The following OTUD7A variants were observed in gnomAD, a reference collection of about 807,000 sequenced individuals.
OTUD7A encodes the protein OTU deubiquitinase 7A, also known as OTU domain-containing protein 7A.
A neutral mutation model predicts 65.7 loss-of-function variants in OTUD7A; 12 were observed. That is an observed-to-expected ratio of 0.18 (90% CI 0.12 to 0.30). OTUD7A has a LOEUF of 0.30. Among genes scored for constraint, OTUD7A ranks in the 10% least tolerant of loss-of-function variants. The probability of loss-of-function intolerance (pLI) is 1.00; values close to 1 mark genes in which losing one functional copy is unlikely to be tolerated. For synonymous variants in OTUD7A, 641 were observed against 586.3 expected (o/e 1.09, Z -1.35); for missense variants, 1,148 against 1,304.8 (o/e 0.88, Z 1.85).
Position 31,484,395 on chromosome 15 carries a change from G to A in OTUD7A, c.1701C>T (p.Gly567=), listed in dbSNP as rs2041200668. The change falls in exon 13 of 13, where the codon GGC becomes GGT. Residue 567 remains glycine, a synonymous_variant. Coordinates refer to ENST00000307050, the MANE Select transcript of OTUD7A (RefSeq NM_001382637.1). The surrounding 1 kb of genome is among the most constrained non-coding windows in gnomAD (Gnocchi z 4.5). ...NGKNGDSAER[G]KEKKAKSRKG... ...TGCGCGACTTGGCCTTCTTCTCCTT[G>A]CCCCGCTCGGCCGAGTCCCCGTTCT... is the stretch of plus-strand genomic sequence containing the variant. The A allele has an allele frequency of 1.2e-6, 2 of 1,601,122 alleles. No homozygotes were observed. Among genetic ancestry groups the A allele is most frequent in the East Asian group, 2.2e-5 (1 of 44,824 alleles).
intron 3 of OTUD7A, among the ~76,000 whole-genome samples, chr15:31,577,819 TAAA>T (rs36055987): frequency 7.1e-6 from 1 of 141,210 alleles, no homozygotes; most frequent in African/African-American, 2.6e-5. Context: ...TTGATTCCAG[TAAA>T]AAAAAAAAAA....
chr15:31,484,802 C>T lies in OTUD7A; in HGVS notation c.1372-78G>A, dbSNP rs2041211596. 5.9e-6 allele frequency: 9 copies of T among 1,518,012 alleles called. No individual in the cohort carries two copies. The highest frequency in any genetic ancestry group is 7.0e-6 in the Non-Finnish European group (8 of 1,136,132). The allele number at this position is 1,518,012 out of a possible 1,614,324, so 94.0% of individuals were successfully genotyped here. A position where few individuals can be genotyped will look rare whatever the true frequency, so the allele number is the denominator to read the frequency against. ...GCGCCAGCGAGGAAGACACACCTTG[C>T]CCCTGTGTTGCCGAGGCTAGGGCCC... On this transcript the variant is annotated intron_variant, in intron 12 of 12. Coordinates refer to ENST00000307050, the MANE Select transcript of OTUD7A (RefSeq NM_001382637.1). The surrounding 1 kb of genome is among the most constrained non-coding windows in gnomAD (Gnocchi z 4.5).
chr15:31,583,632 C>T (rs1179991382), intron 3 of OTUD7A, among the ~76,000 whole-genome samples: 6 of 151,798 alleles, frequency 4.0e-5, no homozygotes, highest in Admixed American at 6.6e-5. Context: ...TCTTGCCTGC[C>T]ACCATGTAAG....
chr15:31,696,694 A>G (rs1893091702), intron 1 of OTUD7A, among the ~76,000 whole-genome samples: 1 of 151,892 alleles, frequency 6.6e-6, no homozygotes, highest in African/African-American at 2.4e-5. Context: ...CACCACCCAG[A>G]TGACTCAGAG....
At chr15:31,761,741 A>C (rs991319041) in intron 1 of OTUD7A, among the ~76,000 whole-genome samples, 4 of 152,254 alleles carry the variant, frequency 2.6e-5, no homozygotes, top group Non-Finnish European at 5.9e-5. Context: ...ATATTAGCCA[A>C]AAGTAGAAAA....
Position 31,480,054 on chromosome 15 carries a change from C to A in OTUD7A, c.*3240G>T, listed in dbSNP as rs1169129521. On this transcript the variant is annotated 3_prime_UTR_variant, in exon 13 of 13. Coordinates refer to ENST00000307050, the MANE Select transcript of OTUD7A (RefSeq NM_001382637.1). ...AACAAGCAGCAAAAAGCGTTTAACC[C>A]CCCGGAGCCCACAGTGGAGCTCCTT... 1 of 152,176 alleles carries A rather than the reference C, an allele frequency of 6.6e-6. No homozygotes were observed. The highest frequency in any genetic ancestry group is 2.4e-5 in the African/African-American group (1 of 41,432). 9.4% of individuals were successfully genotyped at this position (152,176 alleles called of 1,614,324 possible).
intron 1 of OTUD7A, among the ~76,000 whole-genome samples, chr15:31,719,331 G>A (rs975222731): frequency 2.0e-5 from 3 of 151,798 alleles, no homozygotes; most frequent in African/African-American, 7.3e-5. Context: ...ATGCACATCT[G>A]AAAGTAAACA....
chr15:31,713,765 A>T (rs1292946195), intron 1 of OTUD7A, among the ~76,000 whole-genome samples: 1 of 151,830 alleles, frequency 6.6e-6, no homozygotes, highest in Non-Finnish European at 1.5e-5. Flanking sequence ...AAGGACTGGT[A>T]CCCTGAATAA....
chr15:31,865,238 A>G (rs1197327024), intron 1 of OTUD7A, among the ~76,000 whole-genome samples: 1 of 152,266 alleles, frequency 6.6e-6, no homozygotes, highest in Non-Finnish European at 1.5e-5. Context: ...TTTTTGTAAA[A>G]GGCATGAAAA....
At chr15:31,822,301 C>T (rs984433433) in intron 1 of OTUD7A, among the ~76,000 whole-genome samples, 2 of 152,132 alleles carry the variant, frequency 1.3e-5, no homozygotes, top group Non-Finnish European at 2.9e-5. Flanking sequence ...CTTCCCAAAG[C>T]GCTGCTCTCT....
chr15:31,695,163 T>C (rs1369713250), intron 1 of OTUD7A, among the ~76,000 whole-genome samples: 2 of 151,728 alleles, frequency 1.3e-5, no homozygotes, highest in African/African-American at 2.4e-5. Flanking sequence ...ATTTTCTTTA[T>C]CCATTCATCT....
Position 31,483,871 on chromosome 15 carries a change from GCCGCACGCC to G in OTUD7A, c.2216_2224del (p.Gly739_Ala741del). The G allele has an allele frequency of 1.0e-6, 1 of 987,888 alleles. No individual in the cohort carries two copies. The allele number at this position is 987,888 out of a possible 1,614,324, so 61.2% of individuals were successfully genotyped here. On this transcript the variant is annotated inframe_deletion, in exon 13 of 13. Transcript: ENST00000307050. ...GGCCGTGCCGCCCGCCGCCGCCCGC[GCCGCACGCC>G]CTGCCGCGGGCCCGGGGCTCGGCCG...
At chr15:31,816,687 C>CAA (rs879438355) in intron 1 of OTUD7A, among the ~76,000 whole-genome samples, 3 of 132,208 alleles carry the variant, frequency 2.3e-5, no homozygotes, top group African/African-American at 5.6e-5. Flanking sequence ...GACTCCGTCT[C>CAA]AAAAAAAAAA....
At chr15:31,490,422 C>G (rs1418840144) in intron 10 of OTUD7A, among the ~76,000 whole-genome samples, 1 of 152,156 alleles carries the variant, frequency 6.6e-6, no homozygotes, top group Non-Finnish European at 1.5e-5. Context: ...GTTTTTGTCT[C>G]CGATGTGAAA....
intron 3 of OTUD7A, among the ~76,000 whole-genome samples, chr15:31,598,577 C>T (rs1003101397): frequency 6.6e-6 from 1 of 152,154 alleles, no homozygotes; most frequent in Admixed American, 6.5e-5. Context: ...ACTGGGCAGC[C>T]GTTCAGGCAG....
chr15:31,767,450 A>G, intron 1 of OTUD7A: 1 of 774,432 alleles, frequency 1.3e-6, no homozygotes, highest in East Asian at 2.4e-5. Context: ...TTCTTGGCCA[A>G]TTTGCTAGGC....
intron 3 of OTUD7A, among the ~76,000 whole-genome samples, chr15:31,647,472 C>A (rs1228798966): frequency 1.3e-5 from 2 of 152,222 alleles, no homozygotes; most frequent in African/African-American, 4.8e-5. Context: ...ATCAGTGAAT[C>A]CTTACCTCGT....
At chr15:31,485,378 C>T (rs976199580) in intron 12 of OTUD7A, among the ~76,000 whole-genome samples, 2 of 152,352 alleles carry the variant, frequency 1.3e-5, no homozygotes, top group Admixed American at 1.3e-4. Context: ...TCCTTTCTCA[C>T]TCAGTTTGGC....
Position 31,483,601 on chromosome 15 carries a change from G to A in OTUD7A, c.2495C>T (p.Ser832Leu). 8.2e-7 allele frequency: 1 copy of A among 1,224,188 alleles called. No individual in the cohort carries two copies. The highest frequency in any genetic ancestry group is 1.0e-6 in the Non-Finnish European group (1 of 986,294). 75.8% of individuals were successfully genotyped at this position (1,224,188 alleles called of 1,614,324 possible). ...AALRTVNTVESLARAVPGALP... is the reference protein window; with the variant it reads ...AALRTVNTVELLARAVPGALP... ...GGCCCCGGGCACCGCGCGCGCCAGC[G>A]ACTCGACCGTGTTGACGGTGCGCAG... The change falls in exon 13 of 13, where the codon TCG becomes TTG. Residue 832 changes from serine (S) to leucine (L), a missense_variant. This residue lies in a region of OTUD7A where 842 missense variants were observed against 769.5 expected (regional missense o/e 1.09). Transcript: ENST00000307050.
Sources: gnomAD v4.1 joint callset for allele counts (sites outside exome capture counted in the v4.1 genomes callset) on GRCh38, gnomAD v4.1.1 for gene constraint, gnomAD v4.1.1 regional missense constraint, Gnocchi (gnomAD v3.1) non-coding constraint, MANE v1.5 for transcripts, NCBI Gene and HGNC (gene_info 2026-07-23, HGNC 2026-07-21) for gene names.